GAS7: variants seen among roughly 807,000 people sequenced by gnomAD.
The protein encoded by GAS7 is growth arrest specific 7.
Under a neutral mutation model 71.1 loss-of-function variants are expected in GAS7, and 28 were observed. The observed-to-expected ratio is 0.39, with a 90% CI of 0.29 to 0.54. GAS7 has a LOEUF of 0.54. Ranked by LOEUF, GAS7 falls within the 20% of genes least tolerant of loss-of-function variation. GAS7 has a pLI of 0.62. For synonymous variants in GAS7, 258 were observed against 245.8 expected, an observed-to-expected ratio of 1.05 and a Z score of -0.46; for missense variants, 436 against 627.8, an observed-to-expected ratio of 0.69 and a Z score of 3.27.
intron 1 of GAS7, among the ~76,000 whole-genome samples, chr17:10,117,459 G>A (rs1303889779): frequency 6.6e-6 from 1 of 152,144 alleles, no homozygotes; most frequent in Non-Finnish European, 1.5e-5. Flanking sequence ...CAGGGAGTTG[G>A]GCTGCAAAGG....
chr17:10,169,737 G>C (rs1324935797), intron 1 of GAS7, among the ~76,000 whole-genome samples: 2 of 152,058 alleles, frequency 1.3e-5, no homozygotes, highest in Non-Finnish European at 2.9e-5. Flanking sequence ...CCACTCCTTA[G>C]GTGATCTCAT....
intron 1 of GAS7, 138 bp from the exon 2 acceptor site, chr17:10,020,035 AG>A (rs2072203077): frequency 2.5e-6 from 2 of 785,940 alleles, no homozygotes; most frequent in Non-Finnish European, 4.2e-6. Flanking sequence ...CCCTGAGGTC[AG>A]AGGCAGCACA....
In GAS7 at chr17:10,190,851, A is replaced by C. The variant is rs895737398; in HGVS notation, c.183+7357T>G. 2.9e-4 allele frequency among the ~76,000 whole-genome samples: 42 copies of C among 146,382 alleles called. 1 individual carries two copies. The highest frequency in any genetic ancestry group is 4.9e-4 in the South Asian group (2 of 4,098). The stretch of plus-strand genomic sequence containing the variant: ...TGAGCTAAAAAATATATATCTCACA[A>C]AAAAAAAAAACCCTCATGTTTTAAG... On this transcript the variant is annotated intron_variant, in intron 1 of 13. Transcript: ENST00000432992.
intron 1 of GAS7, among the ~76,000 whole-genome samples, chr17:10,160,530 C>T (rs563412267): frequency 3.9e-5 from 6 of 152,248 alleles, no homozygotes; most frequent in African/African-American, 1.4e-4. Context: ...AGAAAGGCAC[C>T]TAGAGCCTGT....
intron 2 of GAS7, among the ~76,000 whole-genome samples, chr17:10,011,137 C>T (rs1007307991): frequency 5.3e-5 from 8 of 152,230 alleles, no homozygotes; most frequent in African/African-American, 1.7e-4. Context: ...AACAGATGTT[C>T]ACCACAGCAC....
chr17:10,074,478 T>C (rs1329750244), intron 1 of GAS7, among the ~76,000 whole-genome samples: 2 of 152,214 alleles, frequency 1.3e-5, no homozygotes, highest in Non-Finnish European at 2.9e-5. Flanking sequence ...CAGTGTTGGA[T>C]AGCAATGAAT....
At chr17:10,197,436 G>C (rs1372132617) in intron 1 of GAS7, among the ~76,000 whole-genome samples, 1 of 152,092 alleles carries the variant, frequency 6.6e-6, no homozygotes, top group African/African-American at 2.4e-5. Flanking sequence ...TAGAAACTTC[G>C]GGTCTCACTC....
intron 1 of GAS7, among the ~76,000 whole-genome samples, chr17:10,050,273 A>G (rs998313524): frequency 3.9e-5 from 6 of 152,074 alleles, no homozygotes; most frequent in African/African-American, 1.4e-4. Context: ...ATGGCAAGAC[A>G]GTTGGTGGGG....
intron 2 of GAS7, among the ~76,000 whole-genome samples, chr17:10,010,353 C>T (rs930111691): frequency 2.6e-5 from 4 of 152,026 alleles, no homozygotes; most frequent in African/African-American, 4.8e-5. Context: ...AGGGTTTCAC[C>T]GTGTTAGCCA....
At chr17:10,163,412 C>T (rs1365694909) in intron 1 of GAS7, among the ~76,000 whole-genome samples, 9 of 150,168 alleles carry the variant, frequency 6.0e-5, no homozygotes, top group Non-Finnish European at 1.3e-4. Flanking sequence ...AGGCACGAGC[C>T]ACCAGGCTGG....
At chr17:10,079,197 G>C (rs1334183338) in intron 1 of GAS7, among the ~76,000 whole-genome samples, 2 of 152,168 alleles carry the variant, frequency 1.3e-5, no homozygotes, top group Non-Finnish European at 2.9e-5. Flanking sequence ...GGTGGACTCT[G>C]AGAAGCATTT....
chr17:10,016,075 TTCAA>T (rs2071983910), intron 2 of GAS7, among the ~76,000 whole-genome samples: 1 of 152,176 alleles, frequency 6.6e-6, no homozygotes. Context: ...GAAGGAATGA[TTCAA>T]TCAAACAGAT....
At chr17:9,936,350 T>C (rs946687881) in intron 8 of GAS7, among the ~76,000 whole-genome samples, 10 of 152,162 alleles carry the variant, frequency 6.6e-5, no homozygotes, top group Non-Finnish European at 1.2e-4. Context: ...TATGAGCACA[T>C]GCATCTTTCC....
At chr17:9,925,306 T>A (rs1261673808) in intron 11 of GAS7, among the ~76,000 whole-genome samples, 170 bp downstream of exon 11, 1 of 152,158 alleles carries the variant, frequency 6.6e-6, no homozygotes, top group Non-Finnish European at 1.5e-5. Context: ...TCTCTGGGTG[T>A]GGGTCAGAGA....
intron 1 of GAS7, among the ~76,000 whole-genome samples, chr17:10,078,913 G>C (rs559036077): frequency 9.9e-5 from 15 of 152,282 alleles, no homozygotes; most frequent in African/African-American, 3.6e-4. Context: ...AATTAGCCAG[G>C]TGTGATGGTG....
At chr17:9,989,998 G>GCA (rs2070779028) in intron 2 of GAS7, among the ~76,000 whole-genome samples, 1 of 152,164 alleles carries the variant, frequency 6.6e-6, no homozygotes, top group Non-Finnish European at 1.5e-5. Context: ...GGCCGGGCAT[G>GCA]GTGGCTCACG....
At chr17:10,063,284 G>A (rs911847111) in intron 1 of GAS7, among the ~76,000 whole-genome samples, 1 of 152,222 alleles carries the variant, frequency 6.6e-6, no homozygotes, top group Non-Finnish European at 1.5e-5. Context: ...GCGCGCGCAC[G>A]CGTTTGTGTG....
intron 1 of GAS7, among the ~76,000 whole-genome samples, chr17:10,141,291 A>G (rs1042873566): frequency 1.3e-4 from 20 of 152,328 alleles, no homozygotes; most frequent in African/African-American, 4.6e-4. Flanking sequence ...TACTAAAAAT[A>G]CAAAAATTTA....
intron 1 of GAS7, among the ~76,000 whole-genome samples, chr17:10,097,811 A>T (rs2152259512): frequency 6.6e-6 from 1 of 152,242 alleles, no homozygotes; most frequent in East Asian, 1.9e-4. Context: ...TGGGAGGCCG[A>T]GGCGGGCAGA....
Sources: gnomAD v4.1 joint callset for allele counts (sites outside exome capture counted in the v4.1 genomes callset) on GRCh38, gnomAD v4.1.1 for gene constraint, MANE v1.5 for transcripts, NCBI Gene and HGNC (gene_info 2026-07-23, HGNC 2026-07-21) for gene names.